Variants in ITGB5 observed in about 807,000 individuals in gnomAD.
ITGB5 encodes the protein integrin beta-5.
In ITGB5, 38 loss-of-function variants were observed where a neutral mutation model predicts 84.8. That is an observed-to-expected ratio of 0.45 (90% CI 0.35 to 0.59). The LOEUF (loss-of-function observed/expected upper bound fraction) is 0.59, where lower values mean the gene tolerates loss of function less well. Ranked by LOEUF, ITGB5 falls within the 20% of genes least tolerant of loss-of-function variation. ITGB5 has a pLI of 0.01. For synonymous variants in ITGB5, 393 were observed against 414.4 expected, an observed-to-expected ratio of 0.95 and a Z score of 0.63; for missense variants, 905 against 1,034.5, an observed-to-expected ratio of 0.87 and a Z score of 1.72.
chr3:124,798,449 T>C (rs1373529893), intron 9 of ITGB5, among the ~76,000 whole-genome samples: 2 of 150,638 alleles, frequency 1.3e-5, no homozygotes, highest in African/African-American at 2.4e-5. Flanking sequence ...TGAGACAGAG[T>C]CTCTCTGTCA....
At chr3:124,854,983 T>C (rs1020070808) in intron 3 of ITGB5, among the ~76,000 whole-genome samples, 2 of 151,718 alleles carry the variant, frequency 1.3e-5, no homozygotes, top group Admixed American at 6.6e-5. Context: ...GCATGGGGGG[T>C]AGGGCAAGGA....
Position 124,881,373 on chromosome 3 carries a change from G to A in ITGB5, c.70+5558C>T, listed in dbSNP as rs74965881. On this transcript the variant is annotated intron_variant, in intron 1 of 14. Transcript: ENST00000296181. ...AGTACCAAGCATTGTGGCTGTGTCA[G>A]GGACACAGGTAAATAAGACCAGGGC... 3.8e-3 allele frequency among the ~76,000 whole-genome samples: 585 copies of A among 152,240 alleles called. 5 individuals carry two copies. The highest frequency in any genetic ancestry group is 0.013 in the African/African-American group (526 of 41,552).
intron 10 of ITGB5, among the ~76,000 whole-genome samples, chr3:124,783,821 ATTGT>A (rs1366877334): frequency 6.6e-6 from 1 of 152,210 alleles, no homozygotes; most frequent in Non-Finnish European, 1.5e-5. Flanking sequence ...TTTCTTGCAC[ATTGT>A]TTGGGTTTCT....
intron 10 of ITGB5, among the ~76,000 whole-genome samples, chr3:124,795,246 C>T (rs139134178): frequency 5.8e-4 from 75 of 129,302 alleles, no homozygotes; most frequent in African/African-American, 2.5e-3. Flanking sequence ...AATCCCAGTA[C>T]TTTGGGAGGC....
At chr3:124,875,149 A>G (rs1934248386) in intron 1 of ITGB5, among the ~76,000 whole-genome samples, 2 of 152,110 alleles carry the variant, frequency 1.3e-5, no homozygotes, top group Non-Finnish European at 2.9e-5. Context: ...AATTCAAACA[A>G]CTCAATATTA....
intron 5 of ITGB5, among the ~76,000 whole-genome samples, chr3:124,840,974 C>A (rs1432179474): frequency 6.6e-6 from 1 of 152,180 alleles, no homozygotes; most frequent in African/African-American, 2.4e-5. Context: ...TCACACAATT[C>A]TTTTTCAACT....
intron 5 of ITGB5, among the ~76,000 whole-genome samples, chr3:124,837,392 A>G (rs1362482096): frequency 6.6e-6 from 1 of 152,228 alleles, no homozygotes; most frequent in East Asian, 1.9e-4. Flanking sequence ...GGCTCTGGGT[A>G]AAGATAAGAA....
In ITGB5 at chr3:124,796,559, C is replaced by G. The variant is rs576577571; in HGVS notation, c.1522G>C (p.Val508Leu). ...GCCTCCCGGCACAGGTTCTGGTACA[C>G]GCTCTGGTTCTCCCCATCCTGGCAC... ...CECQDGENQSVYQNLCREAEG... is the reference protein window; with the variant it reads ...CECQDGENQSLYQNLCREAEG... Residue 508 changes from valine (V) to leucine (L), a missense_variant, in exon 10 of 15, where the codon GTG becomes CTG. Physicochemically the swap from Val to Leu is conservative, Grantham distance 32 (BLOSUM62 1). Around this residue, in one of 3 missense-constraint regions of ITGB5, gnomAD observed 656 missense variants for 734.7 expected, o/e 0.89. Coordinates refer to ENST00000296181, the MANE Select transcript of ITGB5 (RefSeq NM_002213.5). The G allele has an allele frequency of 6.2e-7, 1 of 1,614,126 alleles. No individual in the cohort carries two copies. The highest frequency in any genetic ancestry group is 2.2e-5 in the East Asian group (1 of 44,880).
At chr3:124,879,314 C>T (rs1370520247) in intron 1 of ITGB5, among the ~76,000 whole-genome samples, 2 of 152,196 alleles carry the variant, frequency 1.3e-5, no homozygotes, top group African/African-American at 4.8e-5. Flanking sequence ...TTGGAATTTC[C>T]TGATCCAAAA....
chr3:124,837,868 G>A (rs150563144), intron 5 of ITGB5, among the ~76,000 whole-genome samples: 18 of 152,328 alleles, frequency 1.2e-4, no homozygotes, highest in Admixed American at 2.6e-4. Flanking sequence ...GAAGTAGAGC[G>A]TGCAGCGCTG....
At chr3:124,779,428 C>T (rs1444108842) in intron 10 of ITGB5, among the ~76,000 whole-genome samples, 1 of 152,102 alleles carries the variant, frequency 6.6e-6, no homozygotes, top group Non-Finnish European at 1.5e-5. Flanking sequence ...TCCCCAACCT[C>T]CCCCTACCCT....
chr3:124,806,177 T>G (rs951889152), intron 9 of ITGB5, among the ~76,000 whole-genome samples: 4 of 152,196 alleles, frequency 2.6e-5, no homozygotes, highest in African/African-American at 9.7e-5. Context: ...TTGCCTTATT[T>G]ATAAGGATGT....
chr3:124,792,173 T>C (rs890694434), intron 10 of ITGB5: 1 of 152,126 alleles, frequency 6.6e-6, no homozygotes, highest in African/African-American at 2.4e-5. Context: ...GGAAAGACAC[T>C]CAAAATGTTC....
At chr3:124,853,190 C>G (rs1230555637) in intron 3 of ITGB5, among the ~76,000 whole-genome samples, 3 of 152,078 alleles carry the variant, frequency 2.0e-5, no homozygotes, top group Non-Finnish European at 4.4e-5. Context: ...GTGCTGGAAA[C>G]TGAAAGAAAG....
rs1432517516 is a variant in ITGB5 at position 124,893,397 on chromosome 3, C to A, written c.-255+7869G>T. ...CACTCCAGCCTGGACAACAGAGTGA[C>A]ACTTTGTCTCAAAATAAAATAAAAT... is the stretch of plus-strand genomic sequence containing the variant. On this transcript the variant is annotated intron_variant, in intron 1 of 4. Coordinates refer to the ITGB5 transcript ENST00000608657. Among the ~76,000 whole-genome samples, 3 of 152,172 alleles carry A rather than the reference C, an allele frequency of 2.0e-5. No homozygotes were observed. The East Asian group carries it at 5.8e-4, about 29-fold the overall frequency.
At chr3:124,796,298 C>T (rs2064222034) in intron 10 of ITGB5, 90 bp downstream of exon 10, 1 of 1,205,884 alleles carries the variant, frequency 8.3e-7, no homozygotes, top group African/African-American at 1.5e-5. Context: ...ACACTTTCTA[C>T]CACCACTGAG....
chr3:124,816,331 C>T (rs1490213192), intron 8 of ITGB5, among the ~76,000 whole-genome samples: 1 of 152,190 alleles, frequency 6.6e-6, no homozygotes, highest in Non-Finnish European at 1.5e-5. Flanking sequence ...TCCAAACACT[C>T]ATTTGTAATC....
upstream of ITGB5, among the ~76,000 whole-genome samples, chr3:124,889,820 C>G (rs1934958138): frequency 6.6e-6 from 1 of 152,126 alleles, no homozygotes; most frequent in African/African-American, 2.4e-5. Context: ...CGAGATGAGC[C>G]TGGCTAAACA....
intron 9 of ITGB5, among the ~76,000 whole-genome samples, chr3:124,803,751 A>G (rs2064352553): frequency 6.6e-6 from 1 of 152,162 alleles, no homozygotes; most frequent in Non-Finnish European, 1.5e-5. Context: ...GTTCCTCAGG[A>G]TTGTACTTTG....
Sources: gnomAD v4.1 joint callset for allele counts (sites outside exome capture counted in the v4.1 genomes callset) on GRCh38, gnomAD v4.1.1 for gene constraint, gnomAD v4.1.1 regional missense constraint, MANE v1.5 for transcripts, NCBI Gene and HGNC (gene_info 2026-07-23, HGNC 2026-07-21) for gene names.